CADM2: variants seen among roughly 807,000 people sequenced by gnomAD.
The protein encoded by CADM2 is cell adhesion molecule 2, also known as immunoglobulin superfamily member 4D.
In CADM2, 12 loss-of-function variants were observed where a neutral mutation model predicts 49.8. The ratio of observed to expected loss-of-function variants is 0.24; its 90% CI spans 0.15 to 0.39. CADM2 has a LOEUF of 0.39. Among genes scored for constraint, CADM2 ranks in the 10% least tolerant of loss-of-function variants. CADM2 has a pLI of 1.00. For synonymous variants in CADM2, 214 were observed against 175.4 expected (o/e 1.22, Z -1.74); for missense variants, 378 against 492.3 (o/e 0.77, Z 2.20).
intron 1 of CADM2, among the ~76,000 whole-genome samples, chr3:85,129,367 CTTTAT>C (rs1376413662): frequency 2.6e-5 from 4 of 151,976 alleles, no homozygotes; most frequent in South Asian, 2.1e-4. Flanking sequence ...TTTTTATTTA[CTTTAT>C]TTTAACACTG....
intron 2 of CADM2, among the ~76,000 whole-genome samples, chr3:85,759,040 C>G (rs1263395728): frequency 1.3e-5 from 2 of 151,872 alleles, no homozygotes; most frequent in Non-Finnish European, 2.9e-5. Flanking sequence ...GTAGGTCCAG[C>G]TATTATTTGG....
chr3:86,069,342 A>T lies in CADM2; in HGVS notation c.*2559A>T, dbSNP rs1739640002. On this transcript the variant is annotated 3_prime_UTR_variant, in exon 10 of 10. Coordinates refer to ENST00000383699, the MANE Select transcript of CADM2 (RefSeq NM_001167675.2). ...ACCAGTTAGCTAAAACAACTAGATT[A>T]TTATACTAGTTATAAATGCTGGTAT... 6.6e-6 allele frequency: 1 copy of T among 152,018 alleles called. No individual in the cohort carries two copies. Among genetic ancestry groups the T allele is most frequent in the Admixed American group, 6.6e-5 (1 of 15,250 alleles). 9.4% of individuals were successfully genotyped at this position (152,018 alleles called of 1,614,324 possible). A position where few individuals can be genotyped will look rare whatever the true frequency, so the allele number is the denominator to read the frequency against.
chr3:85,423,542 CTGA>C (rs1229672897), intron 1 of CADM2, among the ~76,000 whole-genome samples: 11 of 152,142 alleles, frequency 7.2e-5, no homozygotes, highest in African/African-American at 2.7e-4. Context: ...AGATTCACCT[CTGA>C]AGCTATGGAA....
intron 1 of CADM2, among the ~76,000 whole-genome samples, chr3:85,253,417 T>C (rs1464054761): frequency 6.6e-6 from 1 of 152,078 alleles, no homozygotes; most frequent in Non-Finnish European, 1.5e-5. Context: ...TTCCCTCTTA[T>C]TATCTAGTCC....
chr3:86,000,799 A>G (rs1376722219), intron 8 of CADM2, among the ~76,000 whole-genome samples: 2 of 152,176 alleles, frequency 1.3e-5, no homozygotes, highest in Non-Finnish European at 2.9e-5. Flanking sequence ...GAACCTGCAG[A>G]ACTTTAAATA....
At chr3:84,984,046 T>TACACACACAC (rs569971907) in intron 1 of CADM2, among the ~76,000 whole-genome samples, 11 of 115,636 alleles carry the variant, frequency 9.5e-5, no homozygotes, top group Non-Finnish European at 1.6e-4. Context: ...TATATATATA[T>TACACACACAC]ATACACACAC....
At chr3:85,635,199 A>G (rs185089775) in intron 1 of CADM2, among the ~76,000 whole-genome samples, 107 of 152,230 alleles carry the variant, frequency 7.0e-4, no homozygotes, top group Admixed American at 1.5e-3. Flanking sequence ...TCTCATGAAA[A>G]TGGTAAGGAT....
Position 85,234,486 on chromosome 3 carries a change from T to A in CADM2, c.61+274818T>A, listed in dbSNP as rs190061514. Among the ~76,000 whole-genome samples the A allele has an allele frequency of 3.1e-3, 474 of 152,254 alleles. 1 individual carries two copies. Among genetic ancestry groups the A allele is most frequent in the African/African-American group, 9.9e-3 (411 of 41,572 alleles). ...AACGGCTTGTGAGAATTAGGTGAAG[T>A]AACATATAGGTTAAACATCTTGTAA... On this transcript the variant is annotated intron_variant, in intron 1 of 9. Transcript: ENST00000383699.
chr3:85,124,797 C>T (rs542350646), intron 1 of CADM2, among the ~76,000 whole-genome samples: 1 of 152,210 alleles, frequency 6.6e-6, no homozygotes, highest in Non-Finnish European at 1.5e-5. Flanking sequence ...GCTTATATTA[C>T]AATAAAGTGT....
At chr3:85,227,624 A>G (rs1040410969) in intron 1 of CADM2, among the ~76,000 whole-genome samples, 3 of 152,078 alleles carry the variant, frequency 2.0e-5, no homozygotes, top group Non-Finnish European at 4.4e-5. Context: ...TGGGGCATTT[A>G]GCCCATTTAC....
intron 8 of CADM2, among the ~76,000 whole-genome samples, chr3:86,046,378 A>G (rs1341985398): frequency 6.6e-6 from 1 of 152,110 alleles, no homozygotes; most frequent in Non-Finnish European, 1.5e-5. Flanking sequence ...AAAGTTGATA[A>G]TCTACCATAT....
At chr3:85,086,340 C>A (rs1369977262) in intron 1 of CADM2, among the ~76,000 whole-genome samples, 1 of 151,792 alleles carries the variant, frequency 6.6e-6, no homozygotes, top group Admixed American at 6.6e-5. Context: ...AACAAATATG[C>A]TCATAGAATG....
intron 8 of CADM2, among the ~76,000 whole-genome samples, chr3:86,020,208 C>T (rs1428405641): frequency 6.6e-6 from 1 of 152,024 alleles, no homozygotes; most frequent in Non-Finnish European, 1.5e-5. Context: ...ACTACAAACA[C>T]CTCTAGGCAA....
At chr3:86,041,287 A>G (rs1008763215) in intron 8 of CADM2, among the ~76,000 whole-genome samples, 7 of 152,238 alleles carry the variant, frequency 4.6e-5, no homozygotes, top group Admixed American at 3.9e-4. Flanking sequence ...ACAGACTGGC[A>G]AATTGGATAA....
rs569144208 is a variant in CADM2, at chr3:85,639,977, A to G, written c.62-86545A>G. ...ACAATAGAAATGTGACATCCAAGTT[A>G]TCAGTTTTATTTATTACCATTTTTT... On this transcript the variant is annotated intron_variant, in intron 1 of 9. Coordinates refer to ENST00000383699, the MANE Select transcript of CADM2 (RefSeq NM_001167675.2). Among the ~76,000 whole-genome samples the G allele has an allele frequency of 3.3e-5, 5 of 152,314 alleles. No homozygotes were observed. The East Asian group carries it at 7.7e-4, about 24-fold the overall frequency.
chr3:85,690,066 A>G (rs1450845288), intron 1 of CADM2, among the ~76,000 whole-genome samples: 1 of 152,196 alleles, frequency 6.6e-6, no homozygotes, highest in Non-Finnish European at 1.5e-5. Context: ...CAGGAGGTAG[A>G]TGATTAGAGG....
At chr3:85,795,001 T>A (rs912287381) in intron 2 of CADM2, among the ~76,000 whole-genome samples, 2 of 152,062 alleles carry the variant, frequency 1.3e-5, no homozygotes, top group African/African-American at 4.8e-5. Flanking sequence ...GTTTTTGGGG[T>A]ACAATGTGAT....
chr3:85,041,944 T>G (rs890184799), intron 1 of CADM2, among the ~76,000 whole-genome samples: 1 of 152,168 alleles, frequency 6.6e-6, no homozygotes, highest in Non-Finnish European at 1.5e-5. Flanking sequence ...TTTGCTGTAA[T>G]AGGCACCAAA....
At chr3:85,149,424 C>T (rs974303206) in intron 1 of CADM2, among the ~76,000 whole-genome samples, 1 of 152,076 alleles carries the variant, frequency 6.6e-6, no homozygotes, top group Non-Finnish European at 1.5e-5. Flanking sequence ...AAAGCAAAGA[C>T]ATATACAAAT....
Sources: allele counts gnomAD v4.1 joint callset (sites outside exome capture counted in the v4.1 genomes callset), GRCh38; gene constraint gnomAD v4.1.1; transcripts MANE v1.5; gene names NCBI Gene and HGNC (gene_info 2026-07-23, HGNC 2026-07-21).